Variants in PSMF1 observed in about 807,000 individuals in gnomAD.
The protein encoded by PSMF1 is proteasome inhibitor subunit 1.
Under a neutral mutation model 29.3 loss-of-function variants are expected in PSMF1, and 30 were observed. The ratio of observed to expected loss-of-function variants is 1.02; its 90% CI spans 0.77 to 1.39. The LOEUF (loss-of-function observed/expected upper bound fraction) is 1.39, where lower values mean the gene tolerates loss of function less well. Ranked by LOEUF, PSMF1 falls within the 40% of genes most tolerant of loss-of-function variation. The pLI is 0.00. For synonymous variants in PSMF1, 134 were observed against 139.7 expected (o/e 0.96, Z 0.29); for missense variants, 344 against 357.5 (o/e 0.96, Z 0.31).
chr20:1,125,795 T>TTCTCACCTTAA, intron 2 of PSMF1, 145 bp downstream of exon 2: 1 of 1,131,532 alleles, frequency 8.8e-7, no homozygotes, highest in Non-Finnish European at 1.3e-6. Context: ...TATCTTAAGG[T>TTCTCACCTTAA]GAGAACCCTA....
At chr20:1,126,416 T>C (rs965201397) in intron 2 of PSMF1, among the ~76,000 whole-genome samples, 2 of 152,216 alleles carry the variant, frequency 1.3e-5, no homozygotes, top group East Asian at 1.9e-4. Context: ...GAAATACATA[T>C]AGATATACCT....
rs1050632384 is a variant in PSMF1 at position 1,172,209 on chromosome 20, C to T, written c.*7129C>T. Among the ~76,000 whole-genome samples, 3 of 152,192 alleles carry T rather than the reference C, an allele frequency of 2.0e-5. No individual in the cohort carries two copies. The highest frequency in any genetic ancestry group is 1.3e-4 in the Admixed American group (2 of 15,280). On this transcript the variant is annotated 3_prime_UTR_variant, in exon 7 of 7. Transcript: ENST00000335877. ...TTGCCCACAAATGTGCTCTGACTGG[C>T]GTGCATGTTATTAAATTTGATAAGA...
rs2086769447 is a variant in PSMF1 at position 1,169,542 on chromosome 20, C to A, written c.*4462C>A. Among the ~76,000 whole-genome samples, 1 of 152,158 alleles carries A rather than the reference C, an allele frequency of 6.6e-6. No homozygotes were observed. The highest frequency in any genetic ancestry group is 1.5e-5 in the Non-Finnish European group (1 of 68,030). ...AGGTAGTGAGAGGATGCTGCTGACG[C>A]ATTAGTCCTGGGATTCAGCTGCAGT... On this transcript the variant is annotated 3_prime_UTR_variant, in exon 7 of 7. Transcript: ENST00000335877.
intron 4 of PSMF1, among the ~76,000 whole-genome samples, chr20:1,140,257 A>G (rs2086364343): frequency 1.3e-5 from 2 of 152,240 alleles, no homozygotes; most frequent in Admixed American, 1.3e-4. Flanking sequence ...GGATAAACAT[A>G]TAGAGCAAGG....
At chr20:1,116,689 T>C (rs2086014677), upstream of PSMF1, among the ~76,000 whole-genome samples, 1 of 152,146 alleles carries the variant, frequency 6.6e-6, no homozygotes. Context: ...CCCTGTTCCT[T>C]TGTCACAGTC....
rs1371389687 is a variant in PSMF1 at position 1,128,724 on chromosome 20, AT to A, written c.365+1222del. The stretch of plus-strand genomic sequence containing the variant: ...TCTTCATTGACCTCCTCAGGGTTTT[AT>A]TTTTTATTTTATTTTATTTTTTTGA... On this transcript the variant is annotated intron_variant, in intron 3 of 6. Coordinates refer to ENST00000335877, the MANE Select transcript of PSMF1 (RefSeq NM_006814.5). Among the ~76,000 whole-genome samples the A allele has an allele frequency of 2.6e-5, 4 of 151,964 alleles. 1 individual carries two copies. Among genetic ancestry groups the A allele is most frequent in the African/African-American group, 9.7e-5 (4 of 41,428 alleles).
At chr20:1,156,197 G>A (rs528719316) in intron 4 of PSMF1, among the ~76,000 whole-genome samples, 1 of 152,230 alleles carries the variant, frequency 6.6e-6, no homozygotes, top group African/African-American at 2.4e-5. Flanking sequence ...TTGAAGATAG[G>A]TAATACAAAT....
At position 1,169,932 on chromosome 20, in the gene PSMF1, T is replaced by C. The variant is rs1251648531; in HGVS notation, c.*4852T>C. On this transcript the variant is annotated 3_prime_UTR_variant, in exon 7 of 7. Coordinates refer to ENST00000335877, the MANE Select transcript of PSMF1 (RefSeq NM_006814.5). ...TCTACGCCATGGACCATGATATAAATGGGTACCACAGCCTTGCATGCCTGA... is the reference window on the plus strand; with the variant it reads ...TCTACGCCATGGACCATGATATAAACGGGTACCACAGCCTTGCATGCCTGA... Among the ~76,000 whole-genome samples, 1 of 152,202 alleles carries C rather than the reference T, an allele frequency of 6.6e-6. No individual in the cohort carries two copies. Among genetic ancestry groups the C allele is most frequent in the Non-Finnish European group, 1.5e-5 (1 of 68,028 alleles).
chr20:1,136,477 A>G (rs1465875031), intron 4 of PSMF1, among the ~76,000 whole-genome samples: 1 of 152,222 alleles, frequency 6.6e-6, no homozygotes. Flanking sequence ...ATTAGACCCA[A>G]TGCCCATTTC....
At chr20:1,125,357 A>T in intron 1 of PSMF1, 141 bp from the exon 2 acceptor site, 2 of 892,500 alleles carry the variant, frequency 2.2e-6, no homozygotes, top group South Asian at 4.2e-5. Context: ...TCGCTGTAGG[A>T]TCTTGGGCAA....
At position 1,165,438 on chromosome 20, in the gene PSMF1, TAAG is replaced by T; in HGVS notation, c.*361_*363del. The T allele has an allele frequency of 2.7e-6, 3 of 1,096,304 alleles. No homozygotes were observed. The highest frequency in any genetic ancestry group is 3.3e-6 in the Non-Finnish European group (3 of 900,216). The allele number at this position is 1,096,304 out of a possible 1,614,324, so 67.9% of individuals were successfully genotyped here. Reference sequence around the variant, plus strand: ...CAGAACGCATTTTGGATGTTATTATTAAGAACCAAATGTCAATACAGAATTCAT... The same window carrying T: ...CAGAACGCATTTTGGATGTTATTATTAACCAAATGTCAATACAGAATTCAT... On this transcript the variant is annotated 3_prime_UTR_variant, in exon 7 of 7. Coordinates refer to ENST00000335877, the MANE Select transcript of PSMF1 (RefSeq NM_006814.5).
chr20:1,139,576 T>A (rs2086354657), intron 4 of PSMF1, among the ~76,000 whole-genome samples: 1 of 152,054 alleles, frequency 6.6e-6, no homozygotes, highest in Non-Finnish European at 1.5e-5. Flanking sequence ...AAACCCCGTC[T>A]CTACTAAAAA....
intron 1 of PSMF1, among the ~76,000 whole-genome samples, chr20:1,124,501 C>T (rs6040009): frequency 0.8 from 122,138 of 152,158 alleles, 49,439 homozygotes; most frequent in Non-Finnish European, 0.83. Flanking sequence ...TAGAAAACAA[C>T]TTGACTTTAT....
intron 4 of PSMF1, among the ~76,000 whole-genome samples, chr20:1,157,836 C>T (rs2086614344): frequency 6.6e-6 from 1 of 151,916 alleles, no homozygotes; most frequent in Non-Finnish European, 1.5e-5. Context: ...GTAGTCCTGC[C>T]TGGATTGGGC....
chr20:1,157,760 T>C (rs538767938), intron 4 of PSMF1, among the ~76,000 whole-genome samples: 3 of 147,990 alleles, frequency 2.0e-5, no homozygotes, highest in South Asian at 2.4e-4. Context: ...AGCAGGTCGT[T>C]TTTTTTTTTT....
At chr20:1,161,017 C>T in intron 4 of PSMF1, 1 of 386,488 alleles carries the variant, frequency 2.6e-6, no homozygotes, top group Non-Finnish European at 5.1e-6. Flanking sequence ...CCTCTGGGCG[C>T]ACCACTGGCA....
Position 1,165,802 on chromosome 20 carries a change from TG to T in PSMF1, c.*723del. Reference sequence around the variant, plus strand: ...TCTGGGCCAGTTTTGTAGGTCCATCTGTGCATGGGCAGCAGTAGTCAAAAAG... The same window carrying T: ...TCTGGGCCAGTTTTGTAGGTCCATCTTGCATGGGCAGCAGTAGTCAAAAAG... On this transcript the variant is annotated 3_prime_UTR_variant, in exon 7 of 7. Coordinates refer to ENST00000335877, the MANE Select transcript of PSMF1 (RefSeq NM_006814.5). 9.6e-7 allele frequency: 1 copy of T among 1,038,396 alleles called. No homozygotes were observed. The highest frequency in any genetic ancestry group is 1.2e-6 in the Non-Finnish European group (1 of 861,302). 64.3% of individuals were successfully genotyped at this position (1,038,396 alleles called of 1,614,324 possible). A position where few individuals can be genotyped will look rare whatever the true frequency, so the allele number is the denominator to read the frequency against.
intron 3 of PSMF1, among the ~76,000 whole-genome samples, chr20:1,130,751 C>T (rs1307629430): frequency 6.6e-6 from 1 of 152,194 alleles, no homozygotes; most frequent in Non-Finnish European, 1.5e-5. Flanking sequence ...TCAAGTGACC[C>T]TCCCACCTGA....
Position 1,118,647 on chromosome 20 carries a change from C to T in PSMF1, c.-127C>T. On this transcript the variant is annotated 5_prime_UTR_variant, in exon 1 of 7. Coordinates refer to ENST00000335877, the MANE Select transcript of PSMF1 (RefSeq NM_006814.5). ...TCCCCGGGCGTCTCCATTTTGGTCT[C>T]AGGTGTGGACTCGGCAAGAACCAGC... The T allele has an allele frequency of 8.2e-7, 1 of 1,214,808 alleles. No individual in the cohort carries two copies. The highest frequency in any genetic ancestry group is 1.1e-6 in the Non-Finnish European group (1 of 900,308). 75.3% of individuals were successfully genotyped at this position (1,214,808 alleles called of 1,614,324 possible). A position where few individuals can be genotyped will look rare whatever the true frequency, so the allele number is the denominator to read the frequency against.
Sources: allele counts gnomAD v4.1 joint callset (sites outside exome capture counted in the v4.1 genomes callset), GRCh38; gene constraint gnomAD v4.1.1; transcripts MANE v1.5; gene names NCBI Gene and HGNC (gene_info 2026-07-23, HGNC 2026-07-21).